Variants in OR52E5 observed in about 807,000 individuals in gnomAD.
The protein encoded by OR52E5 is olfactory receptor 52E5.
chr11:5,893,224 T>G lies in OR52E5; in HGVS notation c.-274T>G, dbSNP rs1319221869. The G allele has an allele frequency of 1.3e-5, 2 of 152,212 alleles. No individual in the cohort carries two copies. The highest frequency in any genetic ancestry group is 4.1e-4 in the South Asian group (2 of 4,822). The allele number at this position is 152,212 out of a possible 1,614,324, so 9.4% of individuals were successfully genotyped here. A position where few individuals can be genotyped will look rare whatever the true frequency, so the allele number is the denominator to read the frequency against. ...ACTATGTCGCATACAGGTTGCAGTCTGGGGTATCCGGTCCTTCACAGACAA... is the reference window on the plus strand; with the variant it reads ...ACTATGTCGCATACAGGTTGCAGTCGGGGGTATCCGGTCCTTCACAGACAA... On this transcript the variant is annotated 5_prime_UTR_variant, in exon 1 of 3. Coordinates refer to ENST00000610445, the MANE Select transcript of OR52E5 (RefSeq NM_001005166.5).
At chr11:5,898,586 A>C (rs545891451) in intron 2 of OR52E5, among the ~76,000 whole-genome samples, 1 of 152,226 alleles carries the variant, frequency 6.6e-6, no homozygotes, top group East Asian at 1.9e-4. Flanking sequence ...CCTCATATTC[A>C]AGTTTTTAGT....
intron 2 of OR52E5, among the ~76,000 whole-genome samples, chr11:5,896,919 GA>G (rs1446531930): frequency 1.3e-5 from 2 of 152,114 alleles, no homozygotes; most frequent in Non-Finnish European, 2.9e-5. Flanking sequence ...CAAAAGCACT[GA>G]AAAAATACCT....
chr11:5,895,211 AACAAT>A (rs1338437875), intron 1 of OR52E5, among the ~76,000 whole-genome samples: 1 of 152,222 alleles, frequency 6.6e-6, no homozygotes, highest in Non-Finnish European at 1.5e-5. Context: ...ACTTTAAGTG[AACAAT>A]ACAATTCTCC....
Position 5,897,248 on chromosome 11 carries a change from T to G in OR52E5, c.-146+1535T>G, listed in dbSNP as rs145651299. 4.1e-3 allele frequency among the ~76,000 whole-genome samples: 625 copies of G among 152,336 alleles called. 5 individuals carry two copies. The highest frequency in any genetic ancestry group is 0.014 in the African/African-American group (598 of 41,568). ...CCCATCACCCAAATAGTGAACATTG[T>G]ACCCAAAAGGTAGTTTTTCAACTCT... is the stretch of plus-strand genomic sequence containing the variant. On this transcript the variant is annotated intron_variant, in intron 2 of 2. Coordinates refer to ENST00000610445, the MANE Select transcript of OR52E5 (RefSeq NM_001005166.5).
intron 2 of OR52E5, among the ~76,000 whole-genome samples, chr11:5,899,135 G>C (rs1171368928): frequency 2.0e-5 from 3 of 152,106 alleles, no homozygotes; most frequent in Non-Finnish European, 4.4e-5. Context: ...TCCTTGTAGA[G>C]ATCTTTCACC....
rs1847237360 is a variant in OR52E5 at position 5,900,691 on chromosome 11, C to T, written c.-86C>T. 1 of 397,942 alleles carries T rather than the reference C, an allele frequency of 2.5e-6. No individual in the cohort carries two copies. Among genetic ancestry groups the T allele is most frequent in the African/African-American group, 2.1e-5 (1 of 48,592 alleles). The allele number at this position is 397,942 out of a possible 1,614,324, so 24.7% of individuals were successfully genotyped here. On this transcript the variant is annotated 5_prime_UTR_variant, in exon 3 of 3. Transcript: ENST00000610445. ...ATTTTCTGTTTCCCCAAGAAATAGA[C>T]ACCATGCTGTGAAAGAAGTTATGGT...
chr11:5,901,057 T>C lies in OR52E5; in HGVS notation c.281T>C (p.Ile94Thr), dbSNP rs538656718. 3.7e-5 allele frequency: 15 copies of C among 401,696 alleles called. No individual in the cohort carries two copies. Among genetic ancestry groups the C allele is most frequent in the African/African-American group, 1.2e-4 (6 of 48,696 alleles). 24.9% of individuals were successfully genotyped at this position (401,696 alleles called of 1,614,324 possible). A position where few individuals can be genotyped will look rare whatever the true frequency, so the allele number is the denominator to read the frequency against. ...ATTTTCTGGTTTAATCTTGGAGAGATTGCATTTGGTGCCTGCATCACACAG... is the reference window on the plus strand; with the variant it reads ...ATTTTCTGGTTTAATCTTGGAGAGACTGCATTTGGTGCCTGCATCACACAG... ...LGIFWFNLGE[I>T]AFGACITQMY... is the part of the protein sequence containing the mutation. The change falls in exon 3 of 3, where the codon ATT (isoleucine) becomes ACT (threonine). Residue 94 changes from isoleucine to threonine, a missense_variant. Transcript: ENST00000610445.
chr11:5,893,920 T>TA (rs1317147785), intron 1 of OR52E5, among the ~76,000 whole-genome samples: 2 of 152,188 alleles, frequency 1.3e-5, no homozygotes, highest in Non-Finnish European at 1.5e-5. Flanking sequence ...AACTACATGA[T>TA]AAAGAAGTTT....
chr11:5,894,877 A>G (rs1200958147), intron 1 of OR52E5, among the ~76,000 whole-genome samples: 1 of 152,172 alleles, frequency 6.6e-6, no homozygotes, highest in Non-Finnish European at 1.5e-5. Flanking sequence ...CACAGACAAT[A>G]CATAAATGAA....
intron 2 of OR52E5, among the ~76,000 whole-genome samples, chr11:5,899,572 C>T (rs1317647173): frequency 6.6e-6 from 1 of 152,160 alleles, no homozygotes; most frequent in Non-Finnish European, 1.5e-5. Context: ...CTCAAATGAG[C>T]ATCAAAGTAA....
intron 2 of OR52E5, among the ~76,000 whole-genome samples, chr11:5,899,422 T>C (rs966419231): frequency 4.6e-5 from 7 of 152,146 alleles, no homozygotes; most frequent in African/African-American, 1.4e-4. Context: ...CACCATGAAA[T>C]TGGACAGAAT....
chr11:5,898,806 G>A (rs1847210821), intron 2 of OR52E5, among the ~76,000 whole-genome samples: 2 of 152,076 alleles, frequency 1.3e-5, no homozygotes. Context: ...TTTGTGTCAT[G>A]TTTCCAGCAA....
In OR52E5 at chr11:5,902,478, A is replaced by C; in HGVS notation, c.*718A>C. 1 of 152,058 alleles carries C rather than the reference A, an allele frequency of 6.6e-6. No individual in the cohort carries two copies. The highest frequency in any genetic ancestry group is 2.1e-4 in the South Asian group (1 of 4,826). The allele number at this position is 152,058 out of a possible 1,614,324, so 9.4% of individuals were successfully genotyped here. A position where few individuals can be genotyped will look rare whatever the true frequency, so the allele number is the denominator to read the frequency against. The stretch of plus-strand genomic sequence containing the variant: ...CTCCAGATCCAGATTATCCCAACGC[A>C]TGGGCCTCTTCATGGACCTCTCAGC... On this transcript the variant is annotated 3_prime_UTR_variant, in exon 3 of 3. Transcript: ENST00000610445.
At position 5,901,505 on chromosome 11, in the gene OR52E5, C is replaced by T. The variant is rs1203015153; in HGVS notation, c.729C>T (p.His243=). The T allele has an allele frequency of 2.5e-6, 1 of 401,820 alleles. No homozygotes were observed. Among genetic ancestry groups the T allele is most frequent in the East Asian group, 3.6e-5 (1 of 28,070 alleles). The allele number at this position is 401,820 out of a possible 1,614,324, so 24.9% of individuals were successfully genotyped here. ...AGGCACTCAGCACATGTGGCTCTCACGTCTGTGTTATGTTGGCTTTCTACC... is the reference window on the plus strand; with the variant it reads ...AGGCACTCAGCACATGTGGCTCTCATGTCTGTGTTATGTTGGCTTTCTACC... ...RPKALSTCGS[H]VCVMLAFYLP... Residue 243 remains histidine, a synonymous_variant, in exon 3 of 3, where the codon CAC becomes CAT. Transcript: ENST00000610445.
intron 1 of OR52E5, among the ~76,000 whole-genome samples, chr11:5,894,314 C>A (rs1162257652): frequency 6.6e-6 from 1 of 152,068 alleles, no homozygotes; most frequent in African/African-American, 2.4e-5. Flanking sequence ...TAGTTAGTGT[C>A]CAAGAAATGT....
Position 5,899,933 on chromosome 11 carries a change from T to A in OR52E5, c.-145-699T>A, listed in dbSNP as rs990602967. On this transcript the variant is annotated intron_variant, in intron 2 of 2. Coordinates refer to ENST00000610445, the MANE Select transcript of OR52E5 (RefSeq NM_001005166.5). ...TTAATACAAACTAGACTGTCCCCAA[T>A]CTGAGGCAAGTATCTGACCTCAGTA... is the stretch of plus-strand genomic sequence containing the variant. 3.3e-5 allele frequency among the ~76,000 whole-genome samples: 5 copies of A among 152,126 alleles called. No individual in the cohort carries two copies. In the South Asian group the frequency reaches 1.0e-3, roughly 32 times the overall value.
At position 5,900,896 on chromosome 11, in the gene OR52E5, C is replaced by G. The variant is rs1269682824; in HGVS notation, c.120C>G (p.Ala40=). 1.2e-5 allele frequency: 5 copies of G among 401,116 alleles called. No homozygotes were observed. The highest frequency in any genetic ancestry group is 2.2e-5 in the Non-Finnish European group (5 of 226,262). 24.8% of individuals were successfully genotyped at this position (401,116 alleles called of 1,614,324 possible). ...GFPFFAVYLT[A]LLGNIIILFV... The stretch of plus-strand genomic sequence containing the variant: ...CCTTCTTTGCAGTGTATCTAACAGC[C>G]CTTCTAGGGAACATCATTATCCTGT... The change falls in exon 3 of 3, where the codon GCC becomes GCG. Residue 40 remains alanine, a synonymous_variant. Transcript: ENST00000610445.
At position 5,901,798 on chromosome 11, in the gene OR52E5, T is replaced by G; in HGVS notation, c.*38T>G. On this transcript the variant is annotated 3_prime_UTR_variant, in exon 3 of 3. Transcript: ENST00000610445. Reference sequence around the variant, plus strand: ...AAAATAAACACTGGAAACATTTTTTTTACTACTTCTCTTGCATTCCCACAT... The same window carrying G: ...AAAATAAACACTGGAAACATTTTTTGTACTACTTCTCTTGCATTCCCACAT... 2 of 399,796 alleles carry G rather than the reference T, an allele frequency of 5.0e-6. No homozygotes were observed. Among genetic ancestry groups the G allele is most frequent in the Non-Finnish European group, 8.8e-6 (2 of 226,084 alleles). The allele number at this position is 399,796 out of a possible 1,614,324, so 24.8% of individuals were successfully genotyped here. A position where few individuals can be genotyped will look rare whatever the true frequency, so the allele number is the denominator to read the frequency against.
Position 5,901,596 on chromosome 11 carries a change from C to T in OR52E5, c.820C>T (p.Leu274Phe), listed in dbSNP as rs781165639. 1.2e-5 allele frequency: 5 copies of T among 401,578 alleles called. No homozygotes were observed. The highest frequency in any genetic ancestry group is 2.2e-5 in the Non-Finnish European group (5 of 226,362). 24.9% of individuals were successfully genotyped at this position (401,578 alleles called of 1,614,324 possible). ...GHNIPHYIHI[L>F]LANLYVVFPP... ...CAACATCCCTCATTACATCCACATT[C>T]TTCTGGCCAATCTGTATGTGGTTTT... is the stretch of plus-strand genomic sequence containing the variant. The change falls in exon 3 of 3, where the codon CTT (leucine) becomes TTT (phenylalanine). Residue 274 changes from leucine to phenylalanine, a missense_variant. Transcript: ENST00000610445.
Sources: gnomAD v4.1 joint callset for allele counts (sites outside exome capture counted in the v4.1 genomes callset) on GRCh38, gnomAD v4.1.1 for gene constraint, MANE v1.5 for transcripts, NCBI Gene and HGNC (gene_info 2026-07-23, HGNC 2026-07-21) for gene names.